The following ACSBG2 variants were observed in gnomAD, a reference collection of about 807,000 sequenced individuals.
ACSBG2 encodes long-chain-fatty-acid--CoA ligase ACSBG2.
ACSBG2 carries 62 observed loss-of-function variants against 74.7 expected under a neutral mutation model. The observed-to-expected ratio is 0.83, with a 90% CI of 0.68 to 1.03. The LOEUF (loss-of-function observed/expected upper bound fraction) is 1.03, where lower values mean the gene tolerates loss of function less well. ACSBG2 is among the 50% of genes least tolerant of loss of function. The pLI is 0.00. For synonymous variants in ACSBG2, 309 were observed against 294.1 expected (o/e 1.05, Z -0.52); for missense variants, 730 against 817.6 (o/e 0.89, Z 1.31).
intron 13 of ACSBG2, chr19:6,190,357 C>G (rs16993455): frequency 0.021 from 10,417 of 507,704 alleles, 300 homozygotes; most frequent in African/African-American, 0.1. Context: ...ACAGAATGCA[C>G]CATGCTCTTC....
intron 6 of ACSBG2, among the ~76,000 whole-genome samples, chr19:6,164,625 G>T (rs1046684713): frequency 1.3e-5 from 2 of 152,116 alleles, no homozygotes; most frequent in Non-Finnish European, 2.9e-5. Flanking sequence ...TAGAGATGGG[G>T]TTTCACCATG....
At position 6,187,319 on chromosome 19, in the gene ACSBG2, C is replaced by T. The variant is rs1227973907; in HGVS notation, c.1577C>T (p.Pro526Leu). The change falls in exon 12 of 15, where the codon CCC (proline) becomes CTC (leucine). Residue 526 changes from proline (P) to leucine (L), a missense_variant. Physicochemically the swap from Pro to Leu is moderately conservative, Grantham distance 98. Coordinates refer to ENST00000588485, the MANE Select transcript of ACSBG2 (RefSeq NM_030924.5). ...ACTGCTGGTGGTGAAAATGTGCCCC[C>T]CATTCCTGTTGAGACCTTGGTTAAG... ...LITAGGENVP[P>L]IPVETLVKKK... 6.2e-7 allele frequency: 1 copy of T among 1,614,000 alleles called. No individual in the cohort carries two copies. Among genetic ancestry groups the T allele is most frequent in the African/African-American group, 1.3e-5 (1 of 74,896 alleles).
chr19:6,165,693 G>A (rs2089772437), intron 6 of ACSBG2, among the ~76,000 whole-genome samples, 173 bp from the exon 7 acceptor site: 1 of 152,230 alleles, frequency 6.6e-6, no homozygotes. Flanking sequence ...GGAAGTGGCA[G>A]AACTGGAAGC....
intron 4 of ACSBG2, among the ~76,000 whole-genome samples, chr19:6,155,030 G>A (rs891075372): frequency 1.3e-5 from 2 of 152,140 alleles, no homozygotes; most frequent in Non-Finnish European, 2.9e-5. Context: ...TAAACCCTTA[G>A]CACAGTGCTT....
intron 8 of ACSBG2, among the ~76,000 whole-genome samples, chr19:6,178,129 C>A (rs2090140456): frequency 6.6e-6 from 1 of 151,972 alleles, no homozygotes; most frequent in Non-Finnish European, 1.5e-5. Flanking sequence ...GAGGATTTAG[C>A]TCCCTTCCTC....
chr19:6,190,655 TG>T lies in ACSBG2; in HGVS notation c.2000del (p.Ter667TyrfsTer22). On this transcript the variant is annotated frameshift_variant and stop_lost, in exon 14 of 15. Transcript: ENST00000588485. LOFTEE classifies it high-confidence loss of function. ...YKKQIDHMYH* is the reference protein window; with the variant it reads ...YKKQIDHMYHX ...AAAACAAATTGATCACATGTACCAC[TG>T]ACTGCTTTGATGGAGCTGCTCTCAG... The T allele has an allele frequency of 6.2e-7, 1 of 1,613,956 alleles. No homozygotes were observed. Among genetic ancestry groups the T allele is most frequent in the South Asian group, 1.1e-5 (1 of 91,084 alleles).
In ACSBG2 at chr19:6,185,661, G is replaced by C. The variant is rs778362971; in HGVS notation, c.1540+8G>C. On this transcript the variant is annotated splice_region_variant and intron_variant, in intron 11 of 14. Coordinates refer to ENST00000588485, the MANE Select transcript of ACSBG2 (RefSeq NM_030924.5). Reference sequence around the variant, plus strand: ...TCACCGGCCACATCAAAGGTACCAGGGGCTGAGCTCTTTGGGAATCTCCTG... The same window carrying C: ...TCACCGGCCACATCAAAGGTACCAGCGGCTGAGCTCTTTGGGAATCTCCTG... 16 of 1,613,780 alleles carry C rather than the reference G, an allele frequency of 9.9e-6. No homozygotes were observed. The Admixed American group carries it at 1.5e-4, about 15-fold the overall frequency.
rs142257726 is a variant in ACSBG2, at chr19:6,188,207, G to A, written c.1927+362G>A. On this transcript the variant is annotated intron_variant, in intron 13 of 14. Transcript: ENST00000588485. ...TTCCCCCTCAATTCCTTGCCTGGAT[G>A]GCTTCTTCTCATTGTCCAGGTCTCA... is the stretch of plus-strand genomic sequence containing the variant. 2.3e-4 allele frequency among the ~76,000 whole-genome samples: 35 copies of A among 152,258 alleles called. 1 individual carries two copies. In the East Asian group the frequency reaches 6.7e-3, roughly 29 times the overall value.
chr19:6,183,823 A>G (rs1259455073), intron 10 of ACSBG2, among the ~76,000 whole-genome samples: 1 of 152,198 alleles, frequency 6.6e-6, no homozygotes, highest in East Asian at 1.9e-4. Flanking sequence ...AATTAGAGAT[A>G]GGGTCTCACT....
At chr19:6,151,596 C>A in intron 3 of ACSBG2, 111 bp from the exon 4 acceptor site, 3 of 1,006,886 alleles carry the variant, frequency 3.0e-6, no homozygotes, top group South Asian at 1.5e-5. Context: ...CAGGTGTGAG[C>A]CACTGCGCCT....
intron 2 of ACSBG2, among the ~76,000 whole-genome samples, chr19:6,142,057 G>C (rs953741337): frequency 6.6e-6 from 1 of 152,122 alleles, no homozygotes; most frequent in Non-Finnish European, 1.5e-5. Context: ...TTCTTGATAG[G>C]TTGTTGAGGT....
chr19:6,150,240 G>A (rs528753115), intron 3 of ACSBG2, among the ~76,000 whole-genome samples: 1 of 151,756 alleles, frequency 6.6e-6, no homozygotes, highest in African/African-American at 2.4e-5. Flanking sequence ...AATGTAAAAT[G>A]GTGCCGCCAC....
Position 6,190,627 on chromosome 19 carries a change from CA to C in ACSBG2, c.1977del (p.Lys659AsnfsTer30). On this transcript the variant is annotated frameshift_variant, in exon 14 of 15. Transcript: ENST00000588485. LOFTEE classifies it high-confidence loss of function. The part of the protein sequence containing the change: ...LKRHFVAQKY[K>X]KQIDHMYH ...AGAGACATTTTGTAGCCCAGAAATA[CA>C]AAAAACAAATTGATCACATGTACCA... 6.2e-7 allele frequency: 1 copy of C among 1,614,006 alleles called. No homozygotes were observed. The highest frequency in any genetic ancestry group is 8.5e-7 in the Non-Finnish European group (1 of 1,179,964).
At chr19:6,141,926 T>A (rs1292499726) in intron 2 of ACSBG2, among the ~76,000 whole-genome samples, 1 of 152,076 alleles carries the variant, frequency 6.6e-6, no homozygotes, top group African/African-American at 2.4e-5. Flanking sequence ...AGACAGGGTT[T>A]CGCTATGTTC....
intron 4 of ACSBG2, among the ~76,000 whole-genome samples, chr19:6,153,979 G>C (rs1266713587): frequency 3.3e-5 from 5 of 151,820 alleles, no homozygotes; most frequent in Non-Finnish European, 7.4e-5. Flanking sequence ...ATTGAGGGTG[G>C]TGACTAGAAA....
At chr19:6,184,945 CAG>C (rs1422625859) in intron 10 of ACSBG2, among the ~76,000 whole-genome samples, 4 of 143,576 alleles carry the variant, frequency 2.8e-5, no homozygotes, top group African/African-American at 5.1e-5. Context: ...TTTTTTGAGA[CAG>C]AGTCTTGCTC....
intron 7 of ACSBG2, among the ~76,000 whole-genome samples, chr19:6,176,631 C>A (rs1263976096): frequency 6.6e-6 from 1 of 151,752 alleles, no homozygotes; most frequent in Non-Finnish European, 1.5e-5. Context: ...GGACCTAGGG[C>A]CCCCACTTCA....
At chr19:6,187,002 G>GTTTTT (rs1011907904) in intron 11 of ACSBG2, among the ~76,000 whole-genome samples, 2 of 130,690 alleles carry the variant, frequency 1.5e-5, no homozygotes, top group Non-Finnish European at 3.2e-5. Flanking sequence ...TGGCCACTAG[G>GTTTTT]TTTTTTTTTT....
At position 6,151,735 on chromosome 19, in the gene ACSBG2, G is replaced by C; in HGVS notation, c.326G>C (p.Gly109Ala). ...GGTTTGGAGCGTTTCCACGGAGTTG[G>C]TATCCTGGGGTTTAACTCTGCAGAG... is the stretch of plus-strand genomic sequence containing the variant. The part of the protein sequence containing the change: ...KLGLERFHGV[G>A]ILGFNSAEWF... The change falls in exon 4 of 15, where the codon GGT becomes GCT. Residue 109 changes from glycine to alanine, a missense_variant. Transcript: ENST00000588485. 1.2e-6 allele frequency: 2 copies of C among 1,602,852 alleles called. No individual in the cohort carries two copies.
Sources: gnomAD v4.1 joint callset for allele counts (sites outside exome capture counted in the v4.1 genomes callset) on GRCh38, gnomAD v4.1.1 for gene constraint, MANE v1.5 for transcripts, NCBI Gene and HGNC (gene_info 2026-07-23, HGNC 2026-07-21) for gene names.